PLCG2: variants seen among roughly 807,000 people sequenced by gnomAD.
PLCG2 encodes 1-phosphatidylinositol 4,5-bisphosphate phosphodiesterase gamma-2.
A neutral mutation model predicts 175.6 loss-of-function variants in PLCG2; 69 were observed. The ratio of observed to expected loss-of-function variants is 0.39; its 90% CI spans 0.32 to 0.48. The LOEUF (loss-of-function observed/expected upper bound fraction) is 0.48, where lower values mean the gene tolerates loss of function less well. Among genes scored for constraint, PLCG2 ranks in the 20% least tolerant of loss-of-function variants. The pLI, the probability that PLCG2 is intolerant of heterozygous loss-of-function variation, is 0.91. For missense variants in PLCG2, 1,798 were observed against 1,650.9 expected, an observed-to-expected ratio of 1.09 and a Z score of -1.54; for synonymous variants, 827 against 624.0, an observed-to-expected ratio of 1.33 and a Z score of -4.85.
intron 31 of PLCG2, among the ~76,000 whole-genome samples, chr16:81,954,724 TTATC>T (rs1911498634): frequency 6.6e-6 from 1 of 152,244 alleles, no homozygotes; most frequent in South Asian, 2.1e-4. Flanking sequence ...CACATTTTCT[TTATC>T]TAGTCTATCA....
intron 30 of PLCG2, among the ~76,000 whole-genome samples, chr16:81,940,657 C>T (rs78690039): frequency 4.2e-4 from 64 of 152,284 alleles, no homozygotes; most frequent in African/African-American, 1.5e-3. Context: ...CTGGGTCATA[C>T]GACCAGCTCT....
At chr16:81,876,694 C>T (rs978171477) in intron 7 of PLCG2, among the ~76,000 whole-genome samples, 1 of 152,202 alleles carries the variant, frequency 6.6e-6, no homozygotes, top group African/African-American at 2.4e-5. Flanking sequence ...GCTGTTTCTC[C>T]TGACCTCACT....
chr16:81,842,337 G>A (rs1905878830), intron 2 of PLCG2, among the ~76,000 whole-genome samples: 1 of 152,206 alleles, frequency 6.6e-6, no homozygotes, highest in South Asian at 2.1e-4. Flanking sequence ...GGATGGAGAT[G>A]TGGATATTCA....
At chr16:81,820,121 T>G (rs776223842) in intron 2 of PLCG2, among the ~76,000 whole-genome samples, 6 of 152,222 alleles carry the variant, frequency 3.9e-5, no homozygotes, top group Non-Finnish European at 7.3e-5. Context: ...GCTTCATATT[T>G]TAAGAACTTT....
At chr16:81,944,925 A>T (rs1911092124) in intron 30 of PLCG2, among the ~76,000 whole-genome samples, 1 of 152,006 alleles carries the variant, frequency 6.6e-6, no homozygotes, top group African/African-American at 2.4e-5. Context: ...AATCCTTGTA[A>T]TTTTTTTTAG....
chr16:81,937,303 C>G (rs2143729449), intron 27 of PLCG2: 1 of 152,598 alleles, frequency 6.6e-6, no homozygotes, highest in African/African-American at 2.4e-5. Context: ...AGAGCTTCTT[C>G]TTGTAAGGGA....
intron 1 of PLCG2, among the ~76,000 whole-genome samples, chr16:81,785,081 C>T (rs1597316846): frequency 6.6e-6 from 1 of 152,046 alleles, no homozygotes; most frequent in African/African-American, 2.4e-5. Flanking sequence ...TAGAATAGTT[C>T]AAGTATGAGA....
At chr16:81,854,257 G>A (rs1287934621) in intron 2 of PLCG2, among the ~76,000 whole-genome samples, 187 bp from the exon 3 acceptor site, 3 of 152,152 alleles carry the variant, frequency 2.0e-5, no homozygotes, top group South Asian at 2.1e-4. Context: ...GCAAATGCCC[G>A]GGTAGGGTCT....
At chr16:81,900,887 G>C (rs1909121385) in intron 14 of PLCG2, 107 bp downstream of exon 14, 7 of 971,980 alleles carry the variant, frequency 7.2e-6, no homozygotes, top group Admixed American at 2.5e-5. Context: ...GCCTGCTCCA[G>C]GTCCCACTGC....
chr16:81,905,668 T>C (rs144987312), intron 15 of PLCG2, among the ~76,000 whole-genome samples, 161 bp downstream of exon 15: 2 of 152,300 alleles, frequency 1.3e-5, no homozygotes, highest in Non-Finnish European at 2.9e-5. Context: ...CTTTATTTAT[T>C]TATGTTGTGG....
chr16:81,790,810 T>G (rs1387753068), intron 2 of PLCG2, among the ~76,000 whole-genome samples: 1 of 152,104 alleles, frequency 6.6e-6, no homozygotes, highest in East Asian at 1.9e-4. Context: ...TGGCAAAGTC[T>G]GGAGACGTGT....
intron 2 of PLCG2, among the ~76,000 whole-genome samples, chr16:81,821,508 C>G (rs558008177): frequency 2.6e-5 from 4 of 152,090 alleles, no homozygotes; most frequent in African/African-American, 9.7e-5. Context: ...GACAGGCAGC[C>G]GTTGCCTCTT....
intron 1 of PLCG2, among the ~76,000 whole-genome samples, chr16:81,783,448 G>C (rs1329064787): frequency 6.6e-6 from 1 of 152,170 alleles, no homozygotes; most frequent in Non-Finnish European, 1.5e-5. Context: ...CCTCGGATAA[G>C]TCCCTTAACC....
chr16:81,924,836 C>T (rs1427785433), intron 22 of PLCG2, among the ~76,000 whole-genome samples: 4 of 152,212 alleles, frequency 2.6e-5, no homozygotes, highest in Non-Finnish European at 2.9e-5. Flanking sequence ...CTTGGAGGCT[C>T]CCAGACCCAG....
At chr16:81,829,528 T>G (rs1209515757) in intron 2 of PLCG2, among the ~76,000 whole-genome samples, 1 of 152,184 alleles carries the variant, frequency 6.6e-6, no homozygotes, top group Non-Finnish European at 1.5e-5. Flanking sequence ...CATTTCTCTG[T>G]TTTATATTGC....
chr16:81,878,088 T>C lies in PLCG2; in HGVS notation c.649-2822T>C, dbSNP rs111962646. ...GCTCTGCCTCCCGGGTTCACGCCAT[T>C]CTTCTGCCTCAGCCTCCCGAGTAGC... On this transcript the variant is annotated intron_variant, in intron 7 of 32. Coordinates refer to ENST00000564138, the MANE Select transcript of PLCG2 (RefSeq NM_002661.5). Among the ~76,000 whole-genome samples, 1,162 of 149,464 alleles carry C rather than the reference T, an allele frequency of 7.8e-3. 16 individuals carry two copies. Among genetic ancestry groups the C allele is most frequent in the African/African-American group, 0.028 (1,123 of 40,672 alleles).
In PLCG2 at chr16:81,895,876, A is replaced by C; in HGVS notation, c.1142A>C (p.Lys381Thr). The C allele has an allele frequency of 6.2e-7, 1 of 1,614,150 alleles. No homozygotes were observed. The highest frequency in any genetic ancestry group is 8.5e-7 in the Non-Finnish European group (1 of 1,180,010). The change falls in exon 13 of 33, where the codon AAG becomes ACG. Residue 381 changes from lysine to threonine, a missense_variant. Lys to Thr is a moderately conservative substitution (Grantham distance 78, BLOSUM62 -1). Transcript: ENST00000564138. The part of the protein sequence containing the change: ...YHGWTRTTKI[K>T]FDDVVQAIKD... ...GGCTGGACGCGGACTACCAAGATCA[A>C]GTTTGACGACGTCGTGCAGGCCATC... is the stretch of plus-strand genomic sequence containing the variant.
chr16:81,815,717 G>C (rs182965878), intron 2 of PLCG2, among the ~76,000 whole-genome samples: 4 of 152,074 alleles, frequency 2.6e-5, no homozygotes, highest in Non-Finnish European at 4.4e-5. Context: ...TTCGATTCTC[G>C]CGGTCTTCTT....
intron 13 of PLCG2, among the ~76,000 whole-genome samples, chr16:81,897,069 G>A (rs1332973112): frequency 6.6e-6 from 1 of 152,234 alleles, no homozygotes; most frequent in African/African-American, 2.4e-5. Flanking sequence ...GTGCAAAGCA[G>A]CCATGGGCAA....
Sources: gnomAD v4.1 joint callset for allele counts (sites outside exome capture counted in the v4.1 genomes callset) on GRCh38, gnomAD v4.1.1 for gene constraint, MANE v1.5 for transcripts, NCBI Gene and HGNC (gene_info 2026-07-23, HGNC 2026-07-21) for gene names.